CSMD2: variants seen among roughly 807,000 people sequenced by gnomAD.
CSMD2 encodes CUB and Sushi multiple domains 2, also known as CUB and sushi domain-containing protein 2.
In CSMD2, 130 loss-of-function variants were observed where a neutral mutation model predicts 398.5. The observed-to-expected ratio is 0.33, with a 90% CI of 0.28 to 0.38. The LOEUF (loss-of-function observed/expected upper bound fraction) is 0.38. CSMD2 is among the 10% of genes least tolerant of loss of function. The pLI is 1.00. For missense variants in CSMD2, 3,829 were observed against 4,764.9 expected (o/e 0.80, Z 5.78); for synonymous variants, 1,828 against 1,908.5 (o/e 0.96, Z 1.10).
Position 33,852,384 on chromosome 1 carries a change from C to G in CSMD2, c.921-5388G>C, listed in dbSNP as rs369244632. Among the ~76,000 whole-genome samples the G allele has an allele frequency of 7.9e-4, 120 of 152,310 alleles. 2 individuals carry two copies. Among genetic ancestry groups the G allele is most frequent in the African/African-American group, 2.8e-3 (115 of 41,562 alleles). On this transcript the variant is annotated intron_variant, in intron 5 of 70. Transcript: ENST00000373381. ...AAGTCCAAGCTTTTTAATGTCTTTCCTCTTCAATGACACACACTTTGAGAT... is the reference window on the plus strand; with the variant it reads ...AAGTCCAAGCTTTTTAATGTCTTTCGTCTTCAATGACACACACTTTGAGAT...
At chr1:34,138,084 A>G (rs917145621) in intron 1 of CSMD2, among the ~76,000 whole-genome samples, 1 of 152,214 alleles carries the variant, frequency 6.6e-6, no homozygotes, top group Non-Finnish European at 1.5e-5. Context: ...CATGTGAATC[A>G]TAAGTTGTAG....
intron 2 of CSMD2, among the ~76,000 whole-genome samples, chr1:34,075,711 T>C (rs758451058): frequency 1.3e-5 from 2 of 152,236 alleles, no homozygotes; most frequent in Non-Finnish European, 1.5e-5. Context: ...TCATAGATTA[T>C]GTTTGCTCGT....
chr1:33,847,901 C>T (rs1638393191), intron 5 of CSMD2, among the ~76,000 whole-genome samples: 1 of 152,146 alleles, frequency 6.6e-6, no homozygotes, highest in African/African-American at 2.4e-5. Context: ...CAGTCCCTGG[C>T]AATAACAAGC....
At chr1:33,987,411 G>A (rs1266411634) in intron 3 of CSMD2, among the ~76,000 whole-genome samples, 1 of 152,176 alleles carries the variant, frequency 6.6e-6, no homozygotes, top group Admixed American at 6.5e-5. Context: ...ATAGAGTTGA[G>A]TTGACTTGCC....
chr1:33,927,099 C>A (rs1644153097), intron 4 of CSMD2, among the ~76,000 whole-genome samples: 2 of 152,290 alleles, frequency 1.3e-5, no homozygotes, highest in Admixed American at 6.5e-5. Context: ...TCTTCCAATT[C>A]CAGTGCAAGA....
At chr1:33,864,790 TATTTC>T (rs1639859519) in intron 5 of CSMD2, 1 of 1,527,084 alleles carries the variant, frequency 6.5e-7, no homozygotes, top group Non-Finnish European at 8.9e-7. Flanking sequence ...CATTCAACCG[TATTTC>T]CTGTTCCTGG....
intron 14 of CSMD2, among the ~76,000 whole-genome samples, chr1:33,741,576 C>T (rs1355562484): frequency 6.6e-6 from 1 of 152,164 alleles, no homozygotes; most frequent in Non-Finnish European, 1.5e-5. Context: ...ATAGTGTCCA[C>T]CAATTGTTGG....
intron 60 of CSMD2, among the ~76,000 whole-genome samples, chr1:33,539,072 A>T (rs912607568): frequency 1.1e-4 from 17 of 151,924 alleles, no homozygotes; most frequent in African/African-American, 1.7e-4. Flanking sequence ...GGTTCACGCC[A>T]TTCTCCTGCC....
intron 5 of CSMD2, among the ~76,000 whole-genome samples, chr1:33,900,810 T>C (rs7528354): frequency 0.36 from 54,567 of 151,862 alleles, 11,209 homozygotes; most frequent in East Asian, 0.58. Flanking sequence ...TTGTAAACAT[T>C]AAATGAGACC....
intron 3 of CSMD2, among the ~76,000 whole-genome samples, chr1:34,004,034 C>T (rs944438550): frequency 6.6e-6 from 1 of 152,218 alleles, no homozygotes; most frequent in Admixed American, 6.5e-5. Context: ...ATATGACACC[C>T]CATCCCTTAG....
At chr1:33,728,394 T>C (rs564663476) in intron 15 of CSMD2, among the ~76,000 whole-genome samples, 38 of 152,284 alleles carry the variant, frequency 2.5e-4, no homozygotes, top group African/African-American at 8.7e-4. Context: ...GTATTCTTAA[T>C]AGAAACTTAT....
In CSMD2 at chr1:33,586,610, G is replaced by A. The variant is rs1570834178; in HGVS notation, c.6945C>T (p.Ile2315=). 4 of 1,608,372 alleles carry A rather than the reference G, an allele frequency of 2.5e-6. No homozygotes were observed. Among genetic ancestry groups the A allele is most frequent in the South Asian group, 1.1e-5 (1 of 90,950 alleles). Residue 2315 remains isoleucine (I), a synonymous_variant, in exon 46 of 71, where the codon ATC becomes ATT. Coordinates refer to ENST00000373381, the MANE Select transcript of CSMD2 (RefSeq NM_001281956.2). ...AGCCAGGGAGGCATCTGTAGCGTAC[G>A]ATGTCACCTGTCAAAGAAAGACCAA... ...TENEEFNIGD[I]VRYRCLPGFT...
chr1:33,936,098 G>C (rs1459930779), intron 3 of CSMD2, 144 bp from the exon 4 acceptor site: 1 of 634,008 alleles, frequency 1.6e-6, no homozygotes, highest in Non-Finnish European at 2.7e-6. Flanking sequence ...GCCCACTGCT[G>C]ATCTGCCCGC....
chr1:33,727,395 T>C (rs1646571066), intron 15 of CSMD2, among the ~76,000 whole-genome samples: 1 of 152,050 alleles, frequency 6.6e-6, no homozygotes, highest in African/African-American at 2.4e-5. Context: ...GCTTCCCCAT[T>C]CTCAGCTGCC....
intron 16 of CSMD2, 39 bp downstream of exon 16, chr1:33,726,508 C>G: frequency 6.4e-7 from 1 of 1,573,370 alleles, no homozygotes; most frequent in Non-Finnish European, 8.7e-7. Context: ...GTAAAAATCT[C>G]CCCCTTGCCC....
At chr1:33,967,202 T>A (rs914961727) in intron 3 of CSMD2, among the ~76,000 whole-genome samples, 2 of 151,554 alleles carry the variant, frequency 1.3e-5, no homozygotes, top group Non-Finnish European at 2.9e-5. Context: ...TATGGAATCA[T>A]TAAAGGTCTG....
chr1:33,848,937 T>A (rs946526527), intron 5 of CSMD2, among the ~76,000 whole-genome samples: 1 of 151,986 alleles, frequency 6.6e-6, no homozygotes, highest in Non-Finnish European at 1.5e-5. Flanking sequence ...AAGCTCTTTA[T>A]TGCAAAATGG....
intron 2 of CSMD2, among the ~76,000 whole-genome samples, chr1:34,049,682 T>C (rs750618785): frequency 1.1e-4 from 17 of 152,168 alleles, no homozygotes; most frequent in Non-Finnish European, 1.9e-4. Flanking sequence ...GGGACTGACA[T>C]GTGAAAACAA....
chr1:34,009,022 CACACA>C (rs1235528893), intron 3 of CSMD2, among the ~76,000 whole-genome samples: 5 of 152,170 alleles, frequency 3.3e-5, no homozygotes, highest in Non-Finnish European at 2.9e-5. Context: ...CTCTGACACA[CACACA>C]ACACAACACA....
Sources: gnomAD v4.1 joint callset for allele counts (sites outside exome capture counted in the v4.1 genomes callset) on GRCh38, gnomAD v4.1.1 for gene constraint, MANE v1.5 for transcripts, NCBI Gene and HGNC (gene_info 2026-07-23, HGNC 2026-07-21) for gene names.